The following LINGO2 variants were observed in gnomAD, a reference collection of about 807,000 sequenced individuals.
LINGO2 encodes leucine rich repeat and Ig domain containing 2.
Under a neutral mutation model 30.6 loss-of-function variants are expected in LINGO2, and 14 were observed. The observed-to-expected ratio is 0.46, with a 90% CI of 0.30 to 0.72. The LOEUF (loss-of-function observed/expected upper bound fraction) is 0.72, where lower values mean the gene tolerates loss of function less well. LINGO2 is among the 30% of genes least tolerant of loss of function. The pLI is 0.07. For missense variants in LINGO2, 729 were observed against 751.7 expected (o/e 0.97, Z 0.35); for synonymous variants, 317 against 288.5 (o/e 1.10, Z -1.00).
At chr9:28,320,748 T>A (rs909521300) in intron 3 of LINGO2, among the ~76,000 whole-genome samples, 2 of 152,180 alleles carry the variant, frequency 1.3e-5, no homozygotes, top group East Asian at 1.9e-4. Flanking sequence ...TCCAATTCAA[T>A]AGAGGACTCT....
chr9:28,633,705 C>T lies in LINGO2; in HGVS notation c.-365+36495G>A, dbSNP rs73443390. Reference sequence around the variant, plus strand: ...CTTCACATGGATCACAGTACTGTGACGCTCCTTCCAACAATAAACTAATAA... The same window carrying T: ...CTTCACATGGATCACAGTACTGTGATGCTCCTTCCAACAATAAACTAATAA... On this transcript the variant is annotated intron_variant, in intron 1 of 5. Transcript: ENST00000379992. 8.6e-3 allele frequency among the ~76,000 whole-genome samples: 1,308 copies of T among 152,252 alleles called. 25 individuals carry two copies. The highest frequency in any genetic ancestry group is 0.029 in the African/African-American group (1,222 of 41,554).
chr9:28,697,981 A>C, the LINGO2 span, among the ~76,000 whole-genome samples: 1 of 152,236 alleles, frequency 6.6e-6, no homozygotes, highest in Admixed American at 6.6e-5. Flanking sequence ...GGTAAGGCTT[A>C]ATTCATTGAA....
At chr9:29,186,939 C>A in the LINGO2 span, among the ~76,000 whole-genome samples, 2 of 152,072 alleles carry the variant, frequency 1.3e-5, no homozygotes, top group Non-Finnish European at 2.9e-5. Flanking sequence ...AAAATTGTAG[C>A]TTACAATTTT....
chr9:28,782,761 C>T, the LINGO2 span, among the ~76,000 whole-genome samples: 1 of 152,146 alleles, frequency 6.6e-6, no homozygotes, highest in Non-Finnish European at 1.5e-5. Flanking sequence ...CATTCTTCTG[C>T]CTACAACTTT....
chr9:28,807,188 C>T, the LINGO2 span, among the ~76,000 whole-genome samples: 1 of 151,868 alleles, frequency 6.6e-6, no homozygotes, highest in East Asian at 1.9e-4. Context: ...CCACGCCCGG[C>T]TAATTTTTGT....
At chr9:28,460,385 G>A (rs1825029742) in intron 2 of LINGO2, among the ~76,000 whole-genome samples, 1 of 152,106 alleles carries the variant, frequency 6.6e-6, no homozygotes. Flanking sequence ...AAAACTATCT[G>A]AGAACTATTA....
intron 1 of LINGO2, among the ~76,000 whole-genome samples, chr9:28,498,896 T>C (rs1172711663): frequency 2.6e-5 from 4 of 152,008 alleles, no homozygotes; most frequent in Non-Finnish European, 5.9e-5. Context: ...AAAATAATAC[T>C]ACATAATGTG....
At chr9:28,669,222 G>A (rs1563904812) in intron 1 of LINGO2, among the ~76,000 whole-genome samples, 1 of 152,180 alleles carries the variant, frequency 6.6e-6, no homozygotes, top group East Asian at 1.9e-4. Context: ...AATCACCTAT[G>A]TACAACTCCC....
the LINGO2 span, among the ~76,000 whole-genome samples, chr9:28,744,197 T>G: frequency 6.6e-6 from 1 of 152,030 alleles, no homozygotes; most frequent in Admixed American, 6.5e-5. Flanking sequence ...TTTTTAATAC[T>G]TTCTCTTTGC....
At chr9:28,978,893 T>A in the LINGO2 span, among the ~76,000 whole-genome samples, 2 of 152,144 alleles carry the variant, frequency 1.3e-5, no homozygotes, top group African/African-American at 2.4e-5. Context: ...AATATTCTCA[T>A]TTTAGTCTGT....
chr9:27,962,885 A>G (rs1819916037), intron 5 of LINGO2, among the ~76,000 whole-genome samples: 2 of 152,208 alleles, frequency 1.3e-5, no homozygotes, highest in Non-Finnish European at 2.9e-5. Context: ...ATTCTCAAGC[A>G]CAATGATTAG....
intron 2 of LINGO2, among the ~76,000 whole-genome samples, chr9:28,457,690 C>T (rs1824906936): frequency 6.6e-6 from 1 of 152,068 alleles, no homozygotes; most frequent in African/African-American, 2.4e-5. Context: ...CTCAGCCTCC[C>T]AAGTAGCTGG....
At chr9:28,367,004 G>A (rs1267488991) in intron 3 of LINGO2, among the ~76,000 whole-genome samples, 5 of 150,836 alleles carry the variant, frequency 3.3e-5, no homozygotes, top group Non-Finnish European at 5.9e-5. Context: ...CTTTCTCATC[G>A]ATTTCCCACA....
At chr9:28,916,210 C>T in the LINGO2 span, among the ~76,000 whole-genome samples, 1 of 152,078 alleles carries the variant, frequency 6.6e-6, no homozygotes, top group African/African-American at 2.4e-5. Context: ...GACAGCAGGC[C>T]CCGAGAGAAA....
chr9:27,960,502 C>T (rs939233294), intron 5 of LINGO2, among the ~76,000 whole-genome samples: 2 of 152,004 alleles, frequency 1.3e-5, no homozygotes, highest in Non-Finnish European at 2.9e-5. Flanking sequence ...GTATAGCTTT[C>T]TGCTGTTTTC....
intron 4 of LINGO2, among the ~76,000 whole-genome samples, chr9:28,019,453 A>C (rs1823007069): frequency 6.6e-6 from 1 of 152,022 alleles, no homozygotes; most frequent in Non-Finnish European, 1.5e-5. Flanking sequence ...CTTTTATGTG[A>C]CTCTGGGGGA....
intron 4 of LINGO2, among the ~76,000 whole-genome samples, chr9:28,068,186 C>T (rs974492053): frequency 6.6e-6 from 1 of 152,132 alleles, no homozygotes. Flanking sequence ...TCAGCTCGGC[C>T]TGCCATAACA....
At chr9:28,757,344 T>G in the LINGO2 span, among the ~76,000 whole-genome samples, 1 of 152,034 alleles carries the variant, frequency 6.6e-6, no homozygotes, top group African/African-American at 2.4e-5. Context: ...TCCATCTTTT[T>G]GAACCCCTAC....
At chr9:27,963,623 C>G (rs114290109) in intron 5 of LINGO2, among the ~76,000 whole-genome samples, 8,363 of 151,640 alleles carry the variant, frequency 0.055, 761 homozygotes, top group African/African-American at 0.19. Flanking sequence ...AAATGGATAG[C>G]ACAGAAATCT....
Sources: gnomAD v4.1 joint callset for allele counts (sites outside exome capture counted in the v4.1 genomes callset) on GRCh38, gnomAD v4.1.1 for gene constraint, MANE v1.5 for transcripts, NCBI Gene and HGNC (gene_info 2026-07-23, HGNC 2026-07-21) for gene names.